HOMER1: variants seen among roughly 807,000 people sequenced by gnomAD.
HOMER1 encodes the protein homer scaffold protein 1, also known as homer protein homolog 1.
HOMER1 carries 3 observed loss-of-function variants against 48.9 expected under a neutral mutation model. The observed-to-expected ratio is 0.06, with a 90% CI of 0.03 to 0.16. The LOEUF (loss-of-function observed/expected upper bound fraction) is 0.16. Ranked by LOEUF, HOMER1 falls within the 10% of genes least tolerant of loss-of-function variation. The pLI is 1.00. For synonymous variants in HOMER1, 134 were observed against 146.4 expected (o/e 0.92, Z 0.61); for missense variants, 247 against 411.4 (o/e 0.60, Z 3.46).
intron 2 of HOMER1, among the ~76,000 whole-genome samples, chr5:79,452,149 T>C (rs1751046488): frequency 2.0e-5 from 3 of 152,208 alleles, no homozygotes; most frequent in African/African-American, 7.2e-5. Flanking sequence ...ACAAATACTG[T>C]ATTTTTTGAT....
chr5:79,401,866 C>T (rs749016897), intron 6 of HOMER1, 33 bp downstream of exon 6: 6 of 1,605,710 alleles, frequency 3.7e-6, no homozygotes, highest in Non-Finnish European at 5.1e-6. Flanking sequence ...CCTGTTAGCC[C>T]TAAATCCCTA....
intron 1 of HOMER1, among the ~76,000 whole-genome samples, chr5:79,474,871 T>C (rs1751718945): frequency 6.6e-6 from 1 of 152,226 alleles, no homozygotes; most frequent in African/African-American, 2.4e-5. Flanking sequence ...GATGACAGTT[T>C]CTAAACTTCT....
chr5:79,408,078 A>C (rs1422390500), intron 5 of HOMER1, among the ~76,000 whole-genome samples: 1 of 151,068 alleles, frequency 6.6e-6, no homozygotes, highest in African/African-American at 2.5e-5. Context: ...AAACTTTATC[A>C]CAGGTATGTA....
At chr5:79,419,038 C>A (rs1750025539) in intron 5 of HOMER1, among the ~76,000 whole-genome samples, 2 of 151,852 alleles carry the variant, frequency 1.3e-5, no homozygotes, top group Admixed American at 1.3e-4. Context: ...AATATCATTG[C>A]AAAATTTGCA....
intron 5 of HOMER1, among the ~76,000 whole-genome samples, chr5:79,426,141 A>G (rs1382820641): frequency 1.3e-5 from 2 of 151,896 alleles, no homozygotes; most frequent in African/African-American, 2.4e-5. Context: ...GCTGGTGAGG[A>G]TAGAAAGTGG....
At chr5:79,501,810 G>A (rs7700305) in intron 1 of HOMER1, among the ~76,000 whole-genome samples, 11,514 of 152,012 alleles carry the variant, frequency 0.076, 951 homozygotes, top group East Asian at 0.22. Context: ...TTTGGGCTGC[G>A]TCTCCTTCTC....
intron 5 of HOMER1, among the ~76,000 whole-genome samples, chr5:79,404,819 T>C (rs1221388921): frequency 4.6e-5 from 7 of 151,674 alleles, no homozygotes; most frequent in African/African-American, 1.2e-4. Context: ...TTCTCCTGCC[T>C]CAGCCTCCCA....
intron 8 of HOMER1, among the ~76,000 whole-genome samples, chr5:79,393,832 T>A (rs572758531): frequency 6.6e-6 from 1 of 152,208 alleles, no homozygotes; most frequent in Non-Finnish European, 1.5e-5. Flanking sequence ...GAGAATTCTA[T>A]GCAGCCATTG....
intron 1 of HOMER1, among the ~76,000 whole-genome samples, chr5:79,500,394 A>T (rs544460530): frequency 6.6e-6 from 1 of 152,316 alleles, no homozygotes; most frequent in Non-Finnish European, 1.5e-5. Context: ...AAATGTCCAG[A>T]TAACAGGAAA....
intron 5 of HOMER1, among the ~76,000 whole-genome samples, chr5:79,424,276 TG>T (rs1203416735): frequency 6.6e-6 from 1 of 151,990 alleles, no homozygotes; most frequent in Non-Finnish European, 1.5e-5. Flanking sequence ...AACTTATTGG[TG>T]TTAGATTCCA....
At chr5:79,505,047 G>A (rs1752710013) in intron 1 of HOMER1, among the ~76,000 whole-genome samples, 1 of 152,090 alleles carries the variant, frequency 6.6e-6, no homozygotes, top group African/African-American at 2.4e-5. Flanking sequence ...AAAGGCCAGG[G>A]TGGGTGGAGC....
intron 2 of HOMER1, among the ~76,000 whole-genome samples, chr5:79,456,538 T>C (rs1319417110): frequency 1.3e-5 from 2 of 152,222 alleles, no homozygotes; most frequent in Non-Finnish European, 2.9e-5. Flanking sequence ...CCTAGAATTC[T>C]AGACCATATC....
intron 1 of HOMER1, among the ~76,000 whole-genome samples, chr5:79,482,087 G>T: frequency 6.6e-6 from 1 of 152,046 alleles, no homozygotes; most frequent in East Asian, 1.9e-4. Context: ...GGGCATGGTG[G>T]TGTGTACATG....
At chr5:79,462,247 T>C (rs945067178) in intron 1 of HOMER1, among the ~76,000 whole-genome samples, 1 of 152,132 alleles carries the variant, frequency 6.6e-6, no homozygotes, top group African/African-American at 2.4e-5. Flanking sequence ...CACACTTTAA[T>C]CATAGAGCAC....
intron 5 of HOMER1, among the ~76,000 whole-genome samples, chr5:79,426,936 T>A (rs534819709): frequency 2.2e-4 from 34 of 152,168 alleles, no homozygotes; most frequent in African/African-American, 7.9e-4. Context: ...CTATAATGTA[T>A]CCATAAAAAT....
chr5:79,386,506 G>C (rs1749113580), intron 8 of HOMER1, among the ~76,000 whole-genome samples: 1 of 152,134 alleles, frequency 6.6e-6, no homozygotes, highest in South Asian at 2.1e-4. Context: ...ATCGGTGAAT[G>C]GCTATATATT....
intron 3 of HOMER1, among the ~76,000 whole-genome samples, chr5:79,449,539 C>T (rs1361640594): frequency 1.3e-5 from 2 of 152,182 alleles, no homozygotes; most frequent in Admixed American, 6.5e-5. Flanking sequence ...GTGTCGCAAT[C>T]CTGGCTCACT....
intron 4 of HOMER1, among the ~76,000 whole-genome samples, chr5:79,445,572 T>C (rs981709825): frequency 6.6e-6 from 1 of 152,226 alleles, no homozygotes; most frequent in Non-Finnish European, 1.5e-5. Flanking sequence ...ATAACCATTG[T>C]CTCAGTGCTA....
intron 1 of HOMER1, among the ~76,000 whole-genome samples, chr5:79,482,947 G>A (rs1196118557): frequency 1.3e-5 from 2 of 152,074 alleles, no homozygotes; most frequent in African/African-American, 4.8e-5. Flanking sequence ...AGGCTGCAGT[G>A]AGCCGTGATC....
Sources: gnomAD v4.1 joint callset for allele counts (sites outside exome capture counted in the v4.1 genomes callset) on GRCh38, gnomAD v4.1.1 for gene constraint, MANE v1.5 for transcripts, NCBI Gene and HGNC (gene_info 2026-07-23, HGNC 2026-07-21) for gene names.